GRM7: variants seen among roughly 807,000 people sequenced by gnomAD.
GRM7 encodes the protein metabotropic glutamate receptor 7.
GRM7 carries 35 observed loss-of-function variants against 84.5 expected under a neutral mutation model. The ratio of observed to expected loss-of-function variants is 0.41; its 90% CI spans 0.32 to 0.55. GRM7 has a LOEUF of 0.55. Among genes scored for constraint, GRM7 ranks in the 20% least tolerant of loss-of-function variants. The pLI, the probability that GRM7 is intolerant of heterozygous loss-of-function variation, is 0.19. For synonymous variants in GRM7, 487 were observed against 455.1 expected (o/e 1.07, Z -0.89); for missense variants, 1,003 against 1,194.6 (o/e 0.84, Z 2.36).
intron 1 of GRM7, among the ~76,000 whole-genome samples, chr3:6,953,429 A>G (rs1186813960): frequency 6.6e-6 from 1 of 152,190 alleles, no homozygotes; most frequent in Non-Finnish European, 1.5e-5. Flanking sequence ...TCTCTGCTGA[A>G]TTGCTCACCA....
chr3:7,235,838 A>C (rs932345805), intron 2 of GRM7, among the ~76,000 whole-genome samples: 1 of 152,356 alleles, frequency 6.6e-6, no homozygotes. Context: ...AGCTTTGAAA[A>C]AAATGTTTGG....
chr3:7,009,349 A>T (rs943669344), intron 1 of GRM7, among the ~76,000 whole-genome samples: 2 of 152,238 alleles, frequency 1.3e-5, no homozygotes, highest in African/African-American at 4.8e-5. Flanking sequence ...CAACAATTAT[A>T]ATACAAGAAC....
chr3:7,255,039 GT>G (rs1698144158), intron 2 of GRM7, among the ~76,000 whole-genome samples: 1 of 152,160 alleles, frequency 6.6e-6, no homozygotes, highest in African/African-American at 2.4e-5. Flanking sequence ...AGTATCCCAA[GT>G]GACTTTTCCA....
intron 6 of GRM7, among the ~76,000 whole-genome samples, chr3:7,460,910 C>G (rs1327529101): frequency 6.6e-6 from 1 of 152,148 alleles, no homozygotes; most frequent in Non-Finnish European, 1.5e-5. Flanking sequence ...ACTCCAAAGT[C>G]TAATTCTGCC....
Position 7,027,981 on chromosome 3 carries a change from A to G in GRM7, c.520-118471A>G, listed in dbSNP as rs188647285. On this transcript the variant is annotated intron_variant, in intron 1 of 9. Coordinates refer to ENST00000357716, the MANE Select transcript of GRM7 (RefSeq NM_000844.4). The stretch of plus-strand genomic sequence containing the variant: ...ATTTTTTTGTCCCATCAGCTTAATT[A>G]CATACCTAATGTAATGACTGATAGT... Among the ~76,000 whole-genome samples, 24 of 152,292 alleles carry G rather than the reference A, an allele frequency of 1.6e-4. No homozygotes were observed. The East Asian group carries it at 2.7e-3, about 17-fold the overall frequency.
At chr3:6,876,088 T>C (rs1695289330) in intron 1 of GRM7, among the ~76,000 whole-genome samples, 1 of 151,984 alleles carries the variant, frequency 6.6e-6, no homozygotes, top group South Asian at 2.1e-4. Context: ...GCCAACATGG[T>C]GAAACCCCAT....
rs1462137342 is a variant in GRM7 at position 6,887,492 on chromosome 3, G to T, written c.519+25585G>T. Among the ~76,000 whole-genome samples, 4 of 149,996 alleles carry T rather than the reference G, an allele frequency of 2.7e-5. No individual in the cohort carries two copies. In the South Asian group the frequency reaches 8.4e-4, roughly 31 times the overall value. On this transcript the variant is annotated intron_variant, in intron 1 of 9. Coordinates refer to ENST00000357716, the MANE Select transcript of GRM7 (RefSeq NM_000844.4). ...GAGAATATGCAGTGCTTGGTTTTTT[G>T]TTCTTGCGATAGTTTACTGAGAATG...
chr3:7,437,623 G>T (rs1025324692), intron 5 of GRM7, among the ~76,000 whole-genome samples: 1 of 151,648 alleles, frequency 6.6e-6, no homozygotes, highest in Non-Finnish European at 1.5e-5. Flanking sequence ...TTCTAAAATT[G>T]CATCTTGCCT....
At chr3:7,360,214 T>C (rs1286809715) in intron 4 of GRM7, among the ~76,000 whole-genome samples, 1 of 146,496 alleles carries the variant, frequency 6.8e-6, no homozygotes, top group African/African-American at 2.6e-5. Flanking sequence ...ACTAAATGGG[T>C]CTTTGAATAA....
chr3:7,488,432 C>T (rs944932738), intron 7 of GRM7, among the ~76,000 whole-genome samples: 9 of 152,076 alleles, frequency 5.9e-5, no homozygotes, highest in African/African-American at 1.2e-4. Context: ...CTTTAAAAGA[C>T]GTTTGAGTCA....
chr3:7,033,036 G>A (rs1468205794), intron 1 of GRM7, among the ~76,000 whole-genome samples: 1 of 152,158 alleles, frequency 6.6e-6, no homozygotes, highest in African/African-American at 2.4e-5. Flanking sequence ...ATAGAGATGG[G>A]TCCTTTGGAG....
At chr3:7,029,326 A>AAAAAAAAAAAAAAAAAAAAAAAAT (rs1696103713) in intron 1 of GRM7, among the ~76,000 whole-genome samples, 1 of 120,620 alleles carries the variant, frequency 8.3e-6, no homozygotes, top group African/African-American at 2.8e-5. Flanking sequence ...AAAAAAAAAA[A>AAAAAAAAAAAAAAAAAAAAAAAAT]ACAAACAAAA....
At chr3:7,290,781 C>T (rs1010898877) in intron 2 of GRM7, among the ~76,000 whole-genome samples, 2 of 152,140 alleles carry the variant, frequency 1.3e-5, no homozygotes, top group East Asian at 3.9e-4. Flanking sequence ...CTGAAAACTT[C>T]TGGGGGTGTT....
chr3:7,552,311 A>C (rs116338911), intron 7 of GRM7, among the ~76,000 whole-genome samples: 433 of 152,276 alleles, frequency 2.8e-3, no homozygotes, highest in Middle Eastern at 6.8e-3. Context: ...GGTTGCTTTC[A>C]TCGGCTGGTG....
intron 9 of GRM7, chr3:7,693,834 C>A (rs1700909347): frequency 1.8e-6 from 1 of 543,198 alleles, no homozygotes. Context: ...GCAACATCCT[C>A]TTAAAAGTCC....
At chr3:7,041,495 A>G (rs184863787) in intron 1 of GRM7, among the ~76,000 whole-genome samples, 11 of 152,358 alleles carry the variant, frequency 7.2e-5, no homozygotes, top group Admixed American at 5.9e-4. Context: ...CCATTGTATG[A>G]ACATACCACA....
chr3:7,260,616 T>C (rs576913092), intron 2 of GRM7, among the ~76,000 whole-genome samples: 2 of 152,008 alleles, frequency 1.3e-5, no homozygotes, highest in East Asian at 3.9e-4. Context: ...GTCTAGCTAG[T>C]GGTCTATTTT....
intron 1 of GRM7, among the ~76,000 whole-genome samples, chr3:7,130,394 T>G (rs2125052308): frequency 6.6e-6 from 1 of 151,814 alleles, no homozygotes; most frequent in Admixed American, 6.6e-5. Context: ...ATACAGAAAA[T>G]TAGCCAGGTG....
intron 1 of GRM7, among the ~76,000 whole-genome samples, chr3:7,061,632 T>G (rs1213869952): frequency 3.3e-5 from 5 of 151,612 alleles, no homozygotes; most frequent in Non-Finnish European, 5.9e-5. Flanking sequence ...AAGAAAATAA[T>G]GAAAGAGCAA....
Sources: allele counts gnomAD v4.1 joint callset (sites outside exome capture counted in the v4.1 genomes callset), GRCh38; gene constraint gnomAD v4.1.1; transcripts MANE v1.5; gene names NCBI Gene and HGNC (gene_info 2026-07-23, HGNC 2026-07-21).